The following ST18 variants were observed in gnomAD, a reference collection of about 807,000 sequenced individuals.
ST18 encodes the protein suppression of tumorigenicity 18 protein.
In ST18, 50 loss-of-function variants were observed where a neutral mutation model predicts 110.0. That is an observed-to-expected ratio of 0.45 (90% confidence interval 0.36 to 0.58). The LOEUF (loss-of-function observed/expected upper bound fraction) is 0.58. ST18 is among the 20% of genes least tolerant of loss of function. ST18 has a pLI of 0.00. For missense variants in ST18, 1,306 were observed against 1,280.1 expected, an observed-to-expected ratio of 1.02 and a Z score of -0.31; for synonymous variants, 461 against 452.4, an observed-to-expected ratio of 1.02 and a Z score of -0.24.
At chr8:52,361,904 A>AT (rs58516781) in intron 2 of ST18, among the ~76,000 whole-genome samples, 23,609 of 150,934 alleles carry the variant, frequency 0.16, 2,999 homozygotes, top group African/African-American at 0.35. Flanking sequence ...TTCACACTTT[A>AT]TTTTTTTTTC....
At position 52,113,211 on chromosome 8, in the gene ST18, C is replaced by A. The variant is rs559704967; in HGVS notation, c.3131G>T (p.Gly1044Val). 21 of 1,614,010 alleles carry A rather than the reference C, an allele frequency of 1.3e-5. No homozygotes were observed. The South Asian group carries it at 2.2e-4, about 17-fold the overall frequency. ...AGCGCTGTGATCCTACACATGGATA[C>A]CCTTCACTGCCTGTTTGATACTTTC... ...LLESIKQAVK[G>V]IHV The change falls in exon 26 of 26, where the codon GGT (glycine) becomes GTT (valine). Residue 1044 changes from glycine to valine, a missense_variant. Coordinates refer to ENST00000689386, the MANE Select transcript of ST18 (RefSeq NM_001352837.2).
chr8:52,369,147 A>G (rs1456690176), intron 2 of ST18, among the ~76,000 whole-genome samples: 3 of 152,324 alleles, frequency 2.0e-5, no homozygotes, highest in East Asian at 3.9e-4. Flanking sequence ...TCTGAATGAA[A>G]ATTATATTTC....
At chr8:52,159,351 G>T (rs972725616) in intron 14 of ST18, among the ~76,000 whole-genome samples, 1 of 151,974 alleles carries the variant, frequency 6.6e-6, no homozygotes, top group African/African-American at 2.4e-5. Context: ...TTGTATTTAC[G>T]CTTCTTATGA....
intron 2 of ST18, among the ~76,000 whole-genome samples, chr8:52,348,577 T>C (rs1019469194): frequency 3.3e-5 from 5 of 152,124 alleles, no homozygotes; most frequent in Non-Finnish European, 7.3e-5. Flanking sequence ...AAACCCTCTA[T>C]CTACTAAAAA....
chr8:52,387,884 C>T (rs1041522402), intron 2 of ST18, among the ~76,000 whole-genome samples: 1 of 152,100 alleles, frequency 6.6e-6, no homozygotes, highest in South Asian at 2.1e-4. Context: ...CTAAACATAA[C>T]TTCCTGTTTT....
At chr8:52,387,377 T>C (rs1278629511) in intron 2 of ST18, among the ~76,000 whole-genome samples, 1 of 152,180 alleles carries the variant, frequency 6.6e-6, no homozygotes, top group Non-Finnish European at 1.5e-5. Flanking sequence ...ACTGTCACTA[T>C]TACCAATATG....
rs150050895 is a variant in ST18 at position 52,327,077 on chromosome 8, T to C, written c.-465+82251A>G. 6.3e-3 allele frequency among the ~76,000 whole-genome samples: 967 copies of C among 152,336 alleles called. 8 individuals are homozygous for C. The highest frequency in any genetic ancestry group is 0.022 in the African/African-American group (914 of 41,578). On this transcript the variant is annotated intron_variant, in intron 2 of 25. Transcript: ENST00000689386. ...TGGTCCACAGTTGCTTGCAACCTCCTGTAGCCAAATCACTCACAACCAATA... is the reference window on the plus strand; with the variant it reads ...TGGTCCACAGTTGCTTGCAACCTCCCGTAGCCAAATCACTCACAACCAATA...
At position 52,159,042 on chromosome 8, in the gene ST18, G is replaced by T; in HGVS notation, c.1662C>A (p.Ser554Arg). 1.9e-6 allele frequency: 3 copies of T among 1,614,162 alleles called. No individual in the cohort carries two copies. Among genetic ancestry groups the T allele is most frequent in the Non-Finnish European group, 2.5e-6 (3 of 1,180,028 alleles). ...AGCTATAAGAGCTGGCACGGCCAGG[G>T]CTCTGGGTGTGGGCGCCTGCACTAG... is the stretch of plus-strand genomic sequence containing the variant. ...RLPSAGAHTQ[S>R]PGRASSYSYG... is the part of the protein sequence containing the mutation. The change falls in exon 15 of 26, where the codon AGC becomes AGA. Residue 554 changes from serine (S) to arginine (R), a missense_variant. Transcript: ENST00000689386.
At chr8:52,219,685 G>A (rs1180737995) in intron 5 of ST18, among the ~76,000 whole-genome samples, 1 of 152,136 alleles carries the variant, frequency 6.6e-6, no homozygotes, top group Non-Finnish European at 1.5e-5. Context: ...AGAGTTTTCT[G>A]GGAAGCAGAT....
chr8:52,290,091 T>C (rs1414952187), intron 2 of ST18, among the ~76,000 whole-genome samples: 2 of 152,164 alleles, frequency 1.3e-5, no homozygotes. Flanking sequence ...GGTGGATCCA[T>C]GTCCCTCCTC....
rs139887543 is a variant in ST18, at chr8:52,300,273, G to A, written c.-464-70196C>T. Among the ~76,000 whole-genome samples the A allele has an allele frequency of 4.3e-4, 65 of 152,200 alleles. 1 individual carries two copies. The East Asian group carries it at 8.9e-3, about 21-fold the overall frequency. On this transcript the variant is annotated intron_variant, in intron 2 of 25. Transcript: ENST00000689386. ...AGCCAGGTAGTCAGGAGATGGCTGCGTGTTATATTGCTATACAGATTCTTG... is the reference window on the plus strand; with the variant it reads ...AGCCAGGTAGTCAGGAGATGGCTGCATGTTATATTGCTATACAGATTCTTG...
chr8:52,300,136 C>T (rs1335393088), intron 2 of ST18, among the ~76,000 whole-genome samples: 1 of 152,100 alleles, frequency 6.6e-6, no homozygotes, highest in Non-Finnish European at 1.5e-5. Flanking sequence ...ACAAATAATC[C>T]AGCTTTTTTG....
At chr8:52,143,719 G>C (rs62500997) in intron 16 of ST18, among the ~76,000 whole-genome samples, 9,174 of 152,204 alleles carry the variant, frequency 0.06, 400 homozygotes, top group Non-Finnish European at 0.091. Context: ...CACAGGAATT[G>C]TTTATATGTC....
intron 10 of ST18, among the ~76,000 whole-genome samples, chr8:52,170,435 G>T (rs2064447960): frequency 6.9e-6 from 1 of 145,498 alleles, no homozygotes; most frequent in African/African-American, 2.6e-5. Flanking sequence ...CTGGGCAACA[G>T]AGCAAAACTC....
chr8:52,212,980 T>A (rs1008391109), intron 7 of ST18, among the ~76,000 whole-genome samples: 1 of 152,216 alleles, frequency 6.6e-6, no homozygotes, highest in Non-Finnish European at 1.5e-5. Context: ...AGGCATAAGC[T>A]TATTCCAAAT....
At chr8:52,150,484 A>C (rs1238236905) in intron 15 of ST18, among the ~76,000 whole-genome samples, 1 of 152,224 alleles carries the variant, frequency 6.6e-6, no homozygotes, top group Non-Finnish European at 1.5e-5. Context: ...AACCCACTGG[A>C]AGAGAATTTT....
chr8:52,150,026 A>T, intron 15 of ST18, 49 bp from the exon 16 acceptor site: 7 of 1,569,502 alleles, frequency 4.5e-6, no homozygotes, highest in Non-Finnish European at 6.0e-6. Context: ...TTGCAGTTAC[A>T]GCCTAGCCAT....
At chr8:52,135,417 C>T (rs1034337458) in intron 19 of ST18, among the ~76,000 whole-genome samples, 1 of 151,520 alleles carries the variant, frequency 6.6e-6, no homozygotes, top group African/African-American at 2.4e-5. Context: ...AAAAAGCACT[C>T]AGGCATGGTT....
intron 2 of ST18, among the ~76,000 whole-genome samples, chr8:52,325,585 A>C (rs1805954976): frequency 6.6e-6 from 1 of 152,238 alleles, no homozygotes; most frequent in Non-Finnish European, 1.5e-5. Flanking sequence ...CTAATGAATT[A>C]ATAACAATGT....
Sources: gnomAD v4.1 joint callset for allele counts (sites outside exome capture counted in the v4.1 genomes callset) on GRCh38, gnomAD v4.1.1 for gene constraint, MANE v1.5 for transcripts, NCBI Gene and HGNC (gene_info 2026-07-23, HGNC 2026-07-21) for gene names.